Variants in SH3RF1 observed in about 807,000 individuals in gnomAD.
The protein encoded by SH3RF1 is E3 ubiquitin-protein ligase SH3RF1.
In SH3RF1, 32 loss-of-function variants were observed where a neutral mutation model predicts 74.0. The ratio of observed to expected loss-of-function variants is 0.43; its 90% confidence interval spans 0.33 to 0.58. The LOEUF (loss-of-function observed/expected upper bound fraction) is 0.58, where lower values mean the gene tolerates loss of function less well. Ranked by LOEUF, SH3RF1 falls within the 20% of genes least tolerant of loss-of-function variation. SH3RF1 has a pLI of 0.05. For synonymous variants in SH3RF1, 396 were observed against 439.6 expected (o/e 0.90, Z 1.24); for missense variants, 954 against 1,130.9 (o/e 0.84, Z 2.24).
At chr4:169,179,975 G>A (rs1032130005) in intron 2 of SH3RF1, among the ~76,000 whole-genome samples, 3 of 152,184 alleles carry the variant, frequency 2.0e-5, no homozygotes, top group Non-Finnish European at 4.4e-5. Context: ...TTTCTTGGAG[G>A]AAGGTGTGAA....
chr4:169,116,335 T>C lies in SH3RF1; in HGVS notation c.2073A>G (p.Thr691=), dbSNP rs1364603129. The change falls in exon 10 of 12, where the codon ACA becomes ACG. Residue 691 remains threonine (T), a synonymous_variant. Transcript: ENST00000284637. The part of the protein sequence containing the change: ...RIVTVLPGLP[T]SPDSASSACG... ...AAGCTGATGAAGCACTGTCAGGAGATGTGGGGAGTCCAGGGAGAACGGTCA... is the reference window on the plus strand; with the variant it reads ...AAGCTGATGAAGCACTGTCAGGAGACGTGGGGAGTCCAGGGAGAACGGTCA... The C allele has an allele frequency of 4.3e-6, 7 of 1,614,146 alleles. No individual in the cohort carries two copies. In the Admixed American group the frequency reaches 1.0e-4, roughly 23 times the overall value.
chr4:169,243,491 C>T (rs1013563216), intron 2 of SH3RF1, among the ~76,000 whole-genome samples: 6 of 152,134 alleles, frequency 3.9e-5, no homozygotes, highest in South Asian at 2.1e-4. Context: ...CCAGCCTAGG[C>T]GACAGAACAA....
chr4:169,254,111 T>C (rs1731146969), intron 2 of SH3RF1, among the ~76,000 whole-genome samples: 3 of 152,212 alleles, frequency 2.0e-5, no homozygotes, highest in Admixed American at 2.0e-4. Flanking sequence ...TGAATGTGAA[T>C]AAGCTTACCA....
chr4:169,149,618 GA>G (rs1733944830), intron 4 of SH3RF1, among the ~76,000 whole-genome samples: 1 of 152,162 alleles, frequency 6.6e-6, no homozygotes, highest in Non-Finnish European at 1.5e-5. Context: ...CTTCAGGTTT[GA>G]AAGGGAAATT....
chr4:169,195,611 A>G (rs1734796105), intron 2 of SH3RF1, among the ~76,000 whole-genome samples: 1 of 151,922 alleles, frequency 6.6e-6, no homozygotes, highest in South Asian at 2.1e-4. Context: ...CCTTTCTTCT[A>G]TATTTTCCAG....
intron 2 of SH3RF1, among the ~76,000 whole-genome samples, chr4:169,240,824 T>A (rs1730895806): frequency 6.6e-6 from 1 of 152,178 alleles, no homozygotes; most frequent in African/African-American, 2.4e-5. Flanking sequence ...ATACCGCTTG[T>A]ACATAAGCCC....
At chr4:169,200,986 A>G (rs1734898116) in intron 2 of SH3RF1, among the ~76,000 whole-genome samples, 1 of 152,234 alleles carries the variant, frequency 6.6e-6, no homozygotes, top group South Asian at 2.1e-4. Context: ...CCAGTCAGAC[A>G]CAATGTCAGT....
In SH3RF1 at chr4:169,117,706, T is replaced by A; in HGVS notation, c.1594A>T (p.Ser532Cys). ...GCAGGCCCTCCTGCCGTGGAAGGAC[T>A]GACCATGGTCACTCCCCGACTTGTC... is the stretch of plus-strand genomic sequence containing the variant. ...GQTSRGVTMV[S>C]PSTAGGPAQK... Residue 532 changes from serine to cysteine, a missense_variant, in exon 9 of 12, where the codon AGT becomes TGT. By Grantham distance (112) the Ser-to-Cys change is moderately radical. Around this residue, in one of 3 missense-constraint regions of SH3RF1, gnomAD observed 854 missense variants for 962.5 expected, o/e 0.89. Transcript: ENST00000284637. 1.2e-6 allele frequency: 2 copies of A among 1,614,224 alleles called. No homozygotes were observed. Among genetic ancestry groups the A allele is most frequent in the Non-Finnish European group, 1.7e-6 (2 of 1,180,036 alleles).
At position 169,255,878 on chromosome 4, in the gene SH3RF1, C is replaced by T. The variant is rs1242229928; in HGVS notation, c.393+12942G>A. On this transcript the variant is annotated intron_variant, in intron 2 of 11. Transcript: ENST00000284637. ...GACCTCCTGGATTCAAGCGTTCCTC[C>T]CCCCTCAGCTTCTGAAGTTGCTGAG... is the stretch of plus-strand genomic sequence containing the variant. Among the ~76,000 whole-genome samples the T allele has an allele frequency of 2.0e-5, 3 of 152,014 alleles. No individual in the cohort carries two copies. In the East Asian group the frequency reaches 5.8e-4, roughly 29 times the overall value.
At chr4:169,236,851 A>T (rs1730830738) in intron 2 of SH3RF1, among the ~76,000 whole-genome samples, 1 of 152,212 alleles carries the variant, frequency 6.6e-6, no homozygotes, top group Non-Finnish European at 1.5e-5. Flanking sequence ...TAATTCACTG[A>T]CAGACACAAA....
chr4:169,136,495 C>G lies in SH3RF1; in HGVS notation c.891G>C (p.Lys297Asn). 6.2e-7 allele frequency: 1 copy of G among 1,613,752 alleles called. No individual in the cohort carries two copies. Among genetic ancestry groups the G allele is most frequent in the Non-Finnish European group, 8.5e-7 (1 of 1,179,934 alleles). ...TGAAGGAGTGCCGCTTTTTGGTGTT[C>G]TTCTTGGTGTCGGAGTGCTTTGGGG... Reference protein sequence around the residue: ...STAPKHSDTKKNTKKRHSFTS... With the variant: ...STAPKHSDTKNNTKKRHSFTS... Residue 297 changes from lysine (K) to asparagine (N), a missense_variant, in exon 5 of 12, where the codon AAG (lysine) becomes AAC (asparagine). This residue lies in a region of SH3RF1 where 854 missense variants were observed against 962.5 expected (regional missense o/e 0.89). Transcript: ENST00000284637.
At position 169,130,174 on chromosome 4, in the gene SH3RF1, G is replaced by A; in HGVS notation, c.1069-18C>T. 1.3e-6 allele frequency: 2 copies of A among 1,514,130 alleles called. No individual in the cohort carries two copies. Among genetic ancestry groups the A allele is most frequent in the Non-Finnish European group, 8.8e-7 (1 of 1,133,518 alleles). The allele number at this position is 1,514,130 out of a possible 1,614,324, so 93.8% of individuals were successfully genotyped here. ...ATATGAACCTGCCGAGAAAAGAAAAGTTATTAAAAAGAAGACTATGTTTAA... is the reference window on the plus strand; with the variant it reads ...ATATGAACCTGCCGAGAAAAGAAAAATTATTAAAAAGAAGACTATGTTTAA... On this transcript the variant is annotated intron_variant, in intron 5 of 11. Coordinates refer to ENST00000284637, the MANE Select transcript of SH3RF1 (RefSeq NM_020870.4).
At chr4:169,163,420 T>C (rs1194038135) in intron 2 of SH3RF1, among the ~76,000 whole-genome samples, 3 of 152,140 alleles carry the variant, frequency 2.0e-5, no homozygotes, top group African/African-American at 7.2e-5. Flanking sequence ...CTCAGGAGCA[T>C]GTTTAAAAGG....
intron 2 of SH3RF1, among the ~76,000 whole-genome samples, chr4:169,244,065 T>G (rs1730955706): frequency 6.6e-6 from 1 of 152,238 alleles, no homozygotes; most frequent in South Asian, 2.1e-4. Context: ...AGCAACAGGC[T>G]TCTACATGCT....
chr4:169,259,823 G>A (rs780092690), intron 2 of SH3RF1, among the ~76,000 whole-genome samples: 142 of 152,194 alleles, frequency 9.3e-4, no homozygotes, highest in East Asian at 1.9e-3. Flanking sequence ...ATACTATGTC[G>A]CTATGTGTAG....
At chr4:169,111,046 G>C (rs1733235386) in intron 10 of SH3RF1, among the ~76,000 whole-genome samples, 1 of 151,748 alleles carries the variant, frequency 6.6e-6, no homozygotes, top group Non-Finnish European at 1.5e-5. Context: ...AGTGGCTCAT[G>C]CCTATAATCC....
chr4:169,129,901 T>G, intron 6 of SH3RF1, 145 bp downstream of exon 6: 1 of 679,552 alleles, frequency 1.5e-6, no homozygotes, highest in Non-Finnish European at 2.4e-6. Flanking sequence ...TTTGTTAAGA[T>G]TAACAGAGAT....
Position 169,116,316 on chromosome 4 carries a change from A to G in SH3RF1, c.2092T>C (p.Ser698Pro). Residue 698 changes from serine (S) to proline (P), a missense_variant, in exon 10 of 12, where the codon TCA becomes CCA. This residue lies in a region of SH3RF1 where 854 missense variants were observed against 962.5 expected (regional missense o/e 0.89). Transcript: ENST00000284637. ...GTTGCTGAACTGTTCCCACAAGCTGATGAAGCACTGTCAGGAGATGTGGGG... is the reference window on the plus strand; with the variant it reads ...GTTGCTGAACTGTTCCCACAAGCTGGTGAAGCACTGTCAGGAGATGTGGGG... ...GLPTSPDSAS[S>P]ACGNSSATKP... 1 of 1,613,942 alleles carries G rather than the reference A, an allele frequency of 6.2e-7. No individual in the cohort carries two copies. Among genetic ancestry groups the G allele is most frequent in the Non-Finnish European group, 8.5e-7 (1 of 1,179,908 alleles).
chr4:169,269,924 A>G (rs1273585832), intron 1 of SH3RF1: 1 of 152,248 alleles, frequency 6.6e-6, no homozygotes, highest in Non-Finnish European at 1.5e-5. Context: ...TAAAACAGAA[A>G]AGCGCCCTTC....
Sources: gnomAD v4.1 joint callset for allele counts (sites outside exome capture counted in the v4.1 genomes callset) on GRCh38, gnomAD v4.1.1 for gene constraint, gnomAD v4.1.1 regional missense constraint, MANE v1.5 for transcripts, NCBI Gene and HGNC (gene_info 2026-07-23, HGNC 2026-07-21) for gene names.